The following STARD13 variants were observed in gnomAD, a reference collection of about 807,000 sequenced individuals.
STARD13 encodes StAR related lipid transfer domain containing 13, also known as stAR-related lipid transfer protein 13.
STARD13 carries 62 observed loss-of-function variants against 106.4 expected under a neutral mutation model. The ratio of observed to expected loss-of-function variants is 0.58; its 90% CI spans 0.48 to 0.72. The LOEUF (loss-of-function observed/expected upper bound fraction) is 0.72. STARD13 is among the 30% of genes least tolerant of loss of function. The probability of loss-of-function intolerance (pLI) is 0.00; values close to 1 mark genes in which losing one functional copy is unlikely to be tolerated. For synonymous variants in STARD13, 565 were observed against 553.0 expected (o/e 1.02, Z -0.31); for missense variants, 1,387 against 1,424.0 (o/e 0.97, Z 0.42).
At chr13:33,515,592 G>A in the STARD13 span, among the ~76,000 whole-genome samples, 1 of 152,156 alleles carries the variant, frequency 6.6e-6, no homozygotes, top group Middle Eastern at 3.2e-3. Context: ...ACATTTCTCA[G>A]AATATAGAAG....
intron 1 of STARD13, among the ~76,000 whole-genome samples, chr13:33,294,107 T>G (rs938103794): frequency 1.3e-5 from 2 of 152,198 alleles, no homozygotes; most frequent in Non-Finnish European, 2.9e-5. Flanking sequence ...GCAAACCTCT[T>G]GCTCCACAAA....
At chr13:33,178,198 T>C (rs1884895943) in intron 1 of STARD13, among the ~76,000 whole-genome samples, 1 of 152,248 alleles carries the variant, frequency 6.6e-6, no homozygotes, top group Non-Finnish European at 1.5e-5. Flanking sequence ...AATTGGAATC[T>C]GCTTTTGCAC....
chr13:33,601,978 C>T, the STARD13 span, among the ~76,000 whole-genome samples: 1 of 152,092 alleles, frequency 6.6e-6, no homozygotes, highest in Non-Finnish European at 1.5e-5. Flanking sequence ...TTTTTTTCTA[C>T]TGTGGCTGTG....
At position 33,129,540 on chromosome 13, in the gene STARD13, C is replaced by T; in HGVS notation, c.1137G>A (p.Gly379=). 1 of 1,614,152 alleles carries T rather than the reference C, an allele frequency of 6.2e-7. No individual in the cohort carries two copies. Among genetic ancestry groups the T allele is most frequent in the Non-Finnish European group, 8.5e-7 (1 of 1,180,030 alleles). Residue 379 remains glycine, a synonymous_variant, in exon 5 of 14, where the codon GGG becomes GGA. Coordinates refer to ENST00000336934, the MANE Select transcript of STARD13 (RefSeq NM_178006.4). ...GAAATTCATGCATACGGCTTTGGTCCCCTGCATCCGGCAGTGCTGTCCCCG... is the reference window on the plus strand; with the variant it reads ...GAAATTCATGCATACGGCTTTGGTCTCCTGCATCCGGCAGTGCTGTCCCCG... ...VLAGTALPDA[G]DQSRMHEFHS...
intron 1 of STARD13, among the ~76,000 whole-genome samples, chr13:33,320,222 G>A (rs766844892): frequency 4.6e-5 from 7 of 152,154 alleles, no homozygotes; most frequent in Non-Finnish European, 1.0e-4. Context: ...AAGTCTAAAG[G>A]TAGCTATTTA....
the STARD13 span, among the ~76,000 whole-genome samples, chr13:33,535,219 A>C: frequency 6.6e-6 from 1 of 152,206 alleles, no homozygotes; most frequent in African/African-American, 2.4e-5. Context: ...CTGTCTCAAA[A>C]AGAAAAAAAA....
intron 1 of STARD13, among the ~76,000 whole-genome samples, chr13:33,186,494 C>T (rs1885781587): frequency 1.3e-5 from 2 of 152,088 alleles, no homozygotes; most frequent in African/African-American, 4.8e-5. Flanking sequence ...TAAAACATTC[C>T]ACAGTTGACT....
intron 4 of STARD13, among the ~76,000 whole-genome samples, chr13:33,137,521 G>C (rs1445488392): frequency 6.6e-6 from 1 of 152,214 alleles, no homozygotes; most frequent in African/African-American, 2.4e-5. Flanking sequence ...AGGGAAAAAA[G>C]CTAGGTTCAG....
At chr13:33,660,166 G>T in the STARD13 span, among the ~76,000 whole-genome samples, 1 of 82,014 alleles carries the variant, frequency 1.2e-5, no homozygotes, top group Non-Finnish European at 2.8e-5. Context: ...GCAGAACCAT[G>T]GTTTTTATTT....
At chr13:33,125,424 G>A (rs886527397) in intron 7 of STARD13, among the ~76,000 whole-genome samples, 30 of 151,972 alleles carry the variant, frequency 2.0e-4, no homozygotes, top group African/African-American at 7.0e-4. Flanking sequence ...GTACAGGACG[G>A]ACAGCACTCT....
the STARD13 span, among the ~76,000 whole-genome samples, chr13:33,541,513 C>T: frequency 6.6e-6 from 1 of 152,318 alleles, no homozygotes; most frequent in South Asian, 2.1e-4. Context: ...TTTTCCAGTA[C>T]CAACTACCCA....
the STARD13 span, among the ~76,000 whole-genome samples, chr13:33,559,506 A>C: frequency 2.0e-5 from 3 of 151,614 alleles, no homozygotes; most frequent in South Asian, 6.2e-4. Flanking sequence ...GGAGGCAATG[A>C]GGTTTAGATG....
At chr13:33,125,935 T>TTCAAATTAAATAG in intron 7 of STARD13, 146 bp downstream of exon 7, 1 of 782,882 alleles carries the variant, frequency 1.3e-6, no homozygotes, top group Non-Finnish European at 2.0e-6. Flanking sequence ...AAATTAAATA[T>TTCAAATTAAATAG]TGCTACATAA....
chr13:33,601,076 G>A, the STARD13 span, among the ~76,000 whole-genome samples: 2 of 152,144 alleles, frequency 1.3e-5, no homozygotes, highest in African/African-American at 4.8e-5. Flanking sequence ...GTGATGACAC[G>A]TGCAGCTCAC....
In STARD13 at chr13:33,130,125, C is replaced by T; in HGVS notation, c.552G>A (p.Glu184=). 1.9e-6 allele frequency: 3 copies of T among 1,614,134 alleles called. No homozygotes were observed. Among genetic ancestry groups the T allele is most frequent in the East Asian group, 2.2e-5 (1 of 44,870 alleles). ...GTGMRNTTSS[E]SVLTDLSEPE... is the part of the protein sequence containing the mutation. ...GCTCGCTCAGGTCTGTGAGGACGCT[C>T]TCACTGCTGGTCGTGTTCCTCATCC... Residue 184 remains glutamate, a synonymous_variant, in exon 5 of 14, where the codon GAG becomes GAA. Coordinates refer to ENST00000336934, the MANE Select transcript of STARD13 (RefSeq NM_178006.4). The surrounding 1 kb of genome is among the most constrained non-coding windows in gnomAD (Gnocchi z 4.1).
intron 1 of STARD13, among the ~76,000 whole-genome samples, chr13:33,283,285 A>G (rs1312639331): frequency 1.3e-5 from 2 of 152,152 alleles, no homozygotes; most frequent in Non-Finnish European, 2.9e-5. Flanking sequence ...GTACTTTAGC[A>G]CTCATTATAA....
intron 3 of STARD13, among the ~76,000 whole-genome samples, chr13:33,154,404 C>T (rs1401823189): frequency 6.6e-6 from 1 of 152,206 alleles, no homozygotes; most frequent in Non-Finnish European, 1.5e-5. Flanking sequence ...AGCAGTTAAA[C>T]ATTGAGGGCT....
the STARD13 span, among the ~76,000 whole-genome samples, chr13:33,659,044 C>T: frequency 2.0e-5 from 3 of 151,988 alleles, no homozygotes; most frequent in African/African-American, 4.8e-5. Flanking sequence ...TCCTCATATC[C>T]CTATGCATCT....
In STARD13 at chr13:33,314,085, C is replaced by A. The variant is rs1176117238; in HGVS notation, c.124+36205G>T. ...TCAACCCTGCCATCAGTGCGTGAAT[C>A]CTTAGAGCTAGATGTGGCATAGTTA... is the stretch of plus-strand genomic sequence containing the variant. On this transcript the variant is annotated intron_variant, in intron 1 of 5. Transcript: ENST00000567873. Among the ~76,000 whole-genome samples, 3 of 152,128 alleles carry A rather than the reference C, an allele frequency of 2.0e-5. No individual in the cohort carries two copies. The South Asian group carries it at 6.2e-4, about 31-fold the overall frequency.
Sources: gnomAD v4.1 joint callset for allele counts (sites outside exome capture counted in the v4.1 genomes callset) on GRCh38, gnomAD v4.1.1 for gene constraint, Gnocchi (gnomAD v3.1) non-coding constraint, MANE v1.5 for transcripts, NCBI Gene and HGNC (gene_info 2026-07-23, HGNC 2026-07-21) for gene names.